Variants in KPNA7 observed in about 807,000 individuals in gnomAD.
KPNA7 encodes the protein karyopherin subunit alpha 7.
A neutral mutation model predicts 53.7 loss-of-function variants in KPNA7; 54 were observed. The ratio of observed to expected loss-of-function variants is 1.01; its 90% CI spans 0.81 to 1.26. The LOEUF (loss-of-function observed/expected upper bound fraction) is 1.26, where lower values mean the gene tolerates loss of function less well. Among genes scored for constraint, KPNA7 ranks in the 50% most tolerant of loss-of-function variants. KPNA7 has a pLI of 0.00. For synonymous variants in KPNA7, 276 were observed against 259.3 expected (o/e 1.06, Z -0.62); for missense variants, 640 against 644.5 (o/e 0.99, Z 0.07).
chr7:99,152,672 A>G, the KPNA7 span, among the ~76,000 whole-genome samples: 65 of 152,236 alleles, frequency 4.3e-4, no homozygotes, highest in Non-Finnish European at 6.2e-4. Flanking sequence ...GGCAGCCCCA[A>G]CCTTTGCTAT....
intron 2 of KPNA7, among the ~76,000 whole-genome samples, chr7:99,206,857 G>A (rs113061020): frequency 4.6e-5 from 7 of 152,176 alleles, no homozygotes; most frequent in Non-Finnish European, 7.3e-5. Context: ...TGATTCCACA[G>A]TTGTCTGGCT....
the KPNA7 span, among the ~76,000 whole-genome samples, chr7:99,162,923 G>A: frequency 6.6e-6 from 1 of 152,184 alleles, no homozygotes; most frequent in Non-Finnish European, 1.5e-5. Context: ...GCTCACGCCT[G>A]TAATCCCAAC....
At chr7:99,203,917 G>C (rs1039776170) in intron 2 of KPNA7, among the ~76,000 whole-genome samples, 1 of 151,980 alleles carries the variant, frequency 6.6e-6, no homozygotes, top group Non-Finnish European at 1.5e-5. Flanking sequence ...CTCCATGTTG[G>C]CCAGGCTGCT....
At chr7:99,165,295 G>A in the KPNA7 span, among the ~76,000 whole-genome samples, 109 of 102,820 alleles carry the variant, frequency 1.1e-3, no homozygotes, top group African/African-American at 3.6e-3. Context: ...GCGAGGCCTT[G>A]CCTTTTTAAA....
chr7:99,178,567 C>CA (rs948404944), intron 9 of KPNA7, among the ~76,000 whole-genome samples: 15 of 149,508 alleles, frequency 1.0e-4, no homozygotes, highest in Admixed American at 1.3e-4. Flanking sequence ...GACTCAGTCT[C>CA]AAAAAAAAAT....
At chr7:99,168,591 G>C (rs900186095), downstream of KPNA7, among the ~76,000 whole-genome samples, 1 of 152,046 alleles carries the variant, frequency 6.6e-6, no homozygotes, top group African/African-American at 2.4e-5. Flanking sequence ...GCTCACAGCT[G>C]CCTCAACCTC....
At chr7:99,186,724 C>T (rs372601033) in intron 7 of KPNA7, among the ~76,000 whole-genome samples, 6 of 152,082 alleles carry the variant, frequency 3.9e-5, no homozygotes, top group African/African-American at 1.4e-4. Flanking sequence ...GCCTTGGCAA[C>T]AGAGTGAGAC....
intron 10 of KPNA7, among the ~76,000 whole-genome samples, chr7:99,175,378 G>A (rs12216673): frequency 0.023 from 3,499 of 151,004 alleles, 139 homozygotes; most frequent in African/African-American, 0.081. Flanking sequence ...GGCTCTCACT[G>A]TGTTGCCCAG....
chr7:99,182,756 A>AG (rs1320743133), intron 8 of KPNA7, among the ~76,000 whole-genome samples: 1 of 152,198 alleles, frequency 6.6e-6, no homozygotes. Flanking sequence ...ATCAGGCCAC[A>AG]GGGAAAAAAT....
intron 8 of KPNA7, among the ~76,000 whole-genome samples, chr7:99,182,760 A>G (rs1363995739): frequency 6.6e-6 from 1 of 152,194 alleles, no homozygotes; most frequent in East Asian, 1.9e-4. Context: ...GGCCACAGGG[A>G]AAAAATGAAA....
At chr7:99,211,643 T>TA (rs1791074406), upstream of KPNA7, among the ~76,000 whole-genome samples, 2 of 152,060 alleles carry the variant, frequency 1.3e-5, no homozygotes, top group African/African-American at 4.8e-5. Flanking sequence ...GACAAGTCCC[T>TA]AAAATCAAGC....
the KPNA7 span, among the ~76,000 whole-genome samples, chr7:99,164,584 GTAAC>G: frequency 2.0e-5 from 3 of 151,960 alleles, no homozygotes; most frequent in Non-Finnish European, 4.4e-5. Context: ...GTATACATAT[GTAAC>G]TAACCTGCAC....
At chr7:99,168,070 C>T in the KPNA7 span, among the ~76,000 whole-genome samples, 2 of 147,560 alleles carry the variant, frequency 1.4e-5, no homozygotes, top group African/African-American at 5.0e-5. Flanking sequence ...TGCCTTGGCA[C>T]CAAGTCTAAA....
chr7:99,161,995 A>T, the KPNA7 span, among the ~76,000 whole-genome samples: 1 of 151,896 alleles, frequency 6.6e-6, no homozygotes. Flanking sequence ...AGGAAAAAAC[A>T]GCAGATAAGT....
chr7:99,184,154 C>CTTTT (rs34193595), intron 8 of KPNA7, among the ~76,000 whole-genome samples: 1 of 125,240 alleles, frequency 8.0e-6, no homozygotes, highest in South Asian at 2.6e-4. Flanking sequence ...TGCCCACAAC[C>CTTTT]TTTTTTTTTT....
chr7:99,179,244 G>A (rs1415105367), intron 9 of KPNA7, among the ~76,000 whole-genome samples: 1 of 152,074 alleles, frequency 6.6e-6, no homozygotes, highest in Non-Finnish European at 1.5e-5. Context: ...ATTTTCAGAT[G>A]GTTTTGTCAC....
the KPNA7 span, among the ~76,000 whole-genome samples, chr7:99,167,981 T>TCCCCCC: frequency 1.5e-5 from 2 of 137,650 alleles, no homozygotes; most frequent in African/African-American, 2.8e-5. Context: ...CCCAAACCAT[T>TCCCCCC]CCCCCACCCC....
intron 9 of KPNA7, among the ~76,000 whole-genome samples, chr7:99,179,871 G>A (rs1045716732): frequency 6.6e-6 from 1 of 151,990 alleles, no homozygotes; most frequent in African/African-American, 2.4e-5. Context: ...ACCATGCCCA[G>A]CCAAAAAACA....
intron 10 of KPNA7, among the ~76,000 whole-genome samples, chr7:99,175,485 C>CTTTATTTATTTA (rs113345297): frequency 1.3e-4 from 19 of 145,438 alleles, no homozygotes; most frequent in African/African-American, 2.8e-4. Context: ...GGCTTGAGAG[C>CTTTATTTATTTA]TTTATTTATT....
Sources: gnomAD v4.1 joint callset for allele counts (sites outside exome capture counted in the v4.1 genomes callset) on GRCh38, gnomAD v4.1.1 for gene constraint, MANE v1.5 for transcripts, NCBI Gene and HGNC (gene_info 2026-07-23, HGNC 2026-07-21) for gene names.